The following KIF2B variants were observed in gnomAD, a reference collection of about 807,000 sequenced individuals.
The protein encoded by KIF2B is kinesin family member 2B, also known as kinesin-like protein KIF2B.
A neutral mutation model predicts 6.8 loss-of-function variants in KIF2B; 5 were observed. The observed-to-expected ratio is 0.74, with a 90% confidence interval of 0.39 to 1.55. The LOEUF (loss-of-function observed/expected upper bound fraction) is 1.55, where lower values mean the gene tolerates loss of function less well. KIF2B is among the 40% of genes most tolerant of loss of function. KIF2B has a pLI of 0.03. For missense variants in KIF2B, 908 were observed against 831.3 expected, an observed-to-expected ratio of 1.09 and a Z score of -1.13; for synonymous variants, 370 against 330.7, an observed-to-expected ratio of 1.12 and a Z score of -1.29.
Position 53,823,117 on chromosome 17 carries a change from G to C in KIF2B, c.84G>C (p.Glu28Asp), listed in dbSNP as rs1567759591. ...AGCCACATTTCGGAGACATCCAAGA[G>C]GGCATCTACGTGGCGATCCAGCGCA... is the stretch of plus-strand genomic sequence containing the variant. Reference protein sequence around the residue: ...PLKPHFGDIQEGIYVAIQRSD... With the variant: ...PLKPHFGDIQDGIYVAIQRSD... Residue 28 changes from glutamate (E) to aspartate (D), a missense_variant, in exon 1 of 1, where the codon GAG becomes GAC. By Grantham distance (45) the Glu-to-Asp change is conservative (BLOSUM62 2). Coordinates refer to ENST00000268919, the MANE Select transcript of KIF2B (RefSeq NM_032559.5). 15 of 1,614,074 alleles carry C rather than the reference G, an allele frequency of 9.3e-6. No homozygotes were observed. The highest frequency in any genetic ancestry group is 1.1e-5 in the Non-Finnish European group (13 of 1,180,048).
rs372558151 is a variant in KIF2B at position 53,823,306 on chromosome 17, G to A, written c.273G>A (p.Pro91=). 2.5e-6 allele frequency: 4 copies of A among 1,613,990 alleles called. No individual in the cohort carries two copies. Among genetic ancestry groups the A allele is most frequent in the Non-Finnish European group, 2.5e-6 (3 of 1,180,000 alleles). The change falls in exon 1 of 1, where the codon CCG becomes CCA. Residue 91 remains proline (P), a synonymous_variant. Transcript: ENST00000268919. ...TGGACTCTGCTGAACACCCCATGCC[G>A]CCCCCGCCCTTATCCCCCTTGGCTC... is the stretch of plus-strand genomic sequence containing the variant. ...PALDSAEHPM[P]PPPLSPLALA...
chr17:53,823,626 T>A lies in KIF2B; in HGVS notation c.593T>A (p.Leu198Gln), dbSNP rs199731439. The A allele has an allele frequency of 1.9e-6, 3 of 1,613,472 alleles. No individual in the cohort carries two copies. The highest frequency in any genetic ancestry group is 1.7e-6 in the Non-Finnish European group (2 of 1,180,038). ...MHMIEEYRRH[L>Q]DSSKISVLEP... is the part of the protein sequence containing the mutation. The stretch of plus-strand genomic sequence containing the variant: ...ATGATCGAAGAGTATCGCAGGCACC[T>A]GGACAGCAGCAAGATCTCAGTCCTG... The change falls in exon 1 of 1, where the codon CTG (leucine) becomes CAG (glutamine). Residue 198 changes from leucine to glutamine, a missense_variant. Physicochemically the swap from Leu to Gln is moderately radical, Grantham distance 113. Transcript: ENST00000268919.
chr17:53,825,047 G>A lies in KIF2B; in HGVS notation c.2014G>A (p.Val672Ile), dbSNP rs1213982337. ...LLADLHVKSK[V>I]E ...AGCTGACCTCCACGTGAAGAGCAAG[G>A]TAGAGTGAAGCCAATGGCGAGAGAT... is the stretch of plus-strand genomic sequence containing the variant. The change falls in exon 1 of 1, where the codon GTA becomes ATA. Residue 672 changes from valine to isoleucine, a missense_variant. By Grantham distance (29) the Val-to-Ile change is conservative (BLOSUM62 3). Transcript: ENST00000268919. 1.2e-6 allele frequency: 2 copies of A among 1,604,296 alleles called. No homozygotes were observed. The highest frequency in any genetic ancestry group is 1.7e-6 in the Non-Finnish European group (2 of 1,175,180).
At position 53,823,318 on chromosome 17, in the gene KIF2B, A is replaced by C. The variant is rs2143778829; in HGVS notation, c.285A>C (p.Leu95Phe). The change falls in exon 1 of 1, where the codon TTA becomes TTC. Residue 95 changes from leucine to phenylalanine, a missense_variant. Physicochemically the swap from Leu to Phe is conservative, Grantham distance 22 (BLOSUM62 0). Coordinates refer to ENST00000268919, the MANE Select transcript of KIF2B (RefSeq NM_032559.5). ...AACACCCCATGCCGCCCCCGCCCTT[A>C]TCCCCCTTGGCTCTGGCGCCCTCTT... ...SAEHPMPPPP[L>F]SPLALAPSSA... 3 of 1,614,114 alleles carry C rather than the reference A, an allele frequency of 1.9e-6. No individual in the cohort carries two copies. The highest frequency in any genetic ancestry group is 2.5e-6 in the Non-Finnish European group (3 of 1,180,034).
chr17:53,825,115 T>C lies in KIF2B; in HGVS notation c.*60T>C, dbSNP rs1033136864. The stretch of plus-strand genomic sequence containing the variant: ...ATTGCTGCAGTTTCCACCACTCTTA[T>C]ACAGGAAAACTGTCCAAATTATCTA... On this transcript the variant is annotated 3_prime_UTR_variant, in exon 1 of 1. Transcript: ENST00000268919. The C allele has an allele frequency of 9.0e-6, 11 of 1,222,454 alleles. No individual in the cohort carries two copies. The African/African-American group carries it at 1.8e-4, about 20-fold the overall frequency. 75.7% of individuals were successfully genotyped at this position (1,222,454 alleles called of 1,614,324 possible). A position where few individuals can be genotyped will look rare whatever the true frequency, so the allele number is the denominator to read the frequency against.
chr17:53,823,855 C>T lies in KIF2B; in HGVS notation c.822C>T (p.Ala274=), dbSNP rs1906479294. 1 of 1,614,244 alleles carries T rather than the reference C, an allele frequency of 6.2e-7. No individual in the cohort carries two copies. The highest frequency in any genetic ancestry group is 2.2e-5 in the East Asian group (1 of 44,876). ...TCGACCATGCCTTCGATGACAAAGCCTCCAACGAGTTGGTGTACCAGTTCA... is the reference window on the plus strand; with the variant it reads ...TCGACCATGCCTTCGATGACAAAGCTTCCAACGAGTTGGTGTACCAGTTCA... The part of the protein sequence containing the change: ...FCFDHAFDDK[A]SNELVYQFTA... The change falls in exon 1 of 1, where the codon GCC becomes GCT. Residue 274 remains alanine (A), a synonymous_variant. Transcript: ENST00000268919.
In KIF2B at chr17:53,823,152, G is replaced by A. The variant is rs201736778; in HGVS notation, c.119G>A (p.Arg40Gln). The A allele has an allele frequency of 5.6e-4, 907 of 1,614,150 alleles. 6 individuals are homozygous for A. In the South Asian group the frequency reaches 9.0e-3, roughly 16 times the overall value. ...IYVAIQRSDK[R>Q]IHLAVVTEIN... ...GTGGCGATCCAGCGCAGTGACAAGCGGATCCACCTCGCTGTGGTCACGGAG... is the reference window on the plus strand; with the variant it reads ...GTGGCGATCCAGCGCAGTGACAAGCAGATCCACCTCGCTGTGGTCACGGAG... Residue 40 changes from arginine (R) to glutamine (Q), a missense_variant, in exon 1 of 1, where the codon CGG (arginine) becomes CAG (glutamine). Transcript: ENST00000268919.
In KIF2B at chr17:53,823,307, C is replaced by A. The variant is rs2143778767; in HGVS notation, c.274C>A (p.Pro92Thr). 1 of 1,614,128 alleles carries A rather than the reference C, an allele frequency of 6.2e-7. No individual in the cohort carries two copies. Among genetic ancestry groups the A allele is most frequent in the South Asian group, 1.1e-5 (1 of 91,080 alleles). ...ALDSAEHPMP[P>T]PPLSPLALAP... is the part of the protein sequence containing the mutation. ...GGACTCTGCTGAACACCCCATGCCG[C>A]CCCCGCCCTTATCCCCCTTGGCTCT... is the stretch of plus-strand genomic sequence containing the variant. The change falls in exon 1 of 1, where the codon CCC becomes ACC. Residue 92 changes from proline (P) to threonine (T), a missense_variant. Physicochemically the swap from Pro to Thr is conservative, Grantham distance 38. Transcript: ENST00000268919.
chr17:53,824,385 A>G lies in KIF2B; in HGVS notation c.1352A>G (p.Asn451Ser), dbSNP rs1046213141. 3 of 1,614,142 alleles carry G rather than the reference A, an allele frequency of 1.9e-6. No homozygotes were observed. The highest frequency in any genetic ancestry group is 2.5e-6 in the Non-Finnish European group (3 of 1,180,028). The change falls in exon 1 of 1, where the codon AAT (asparagine) becomes AGT (serine). Residue 451 changes from asparagine to serine, a missense_variant. Asn to Ser is a conservative substitution (Grantham distance 46). Transcript: ENST00000268919. ...GKFSLVDLAG[N>S]ERGADTTKAS... Reference sequence around the variant, plus strand: ...TTTTCCCTCGTTGATTTAGCTGGGAATGAAAGAGGAGCAGATACAACCAAG... The same window carrying G: ...TTTTCCCTCGTTGATTTAGCTGGGAGTGAAAGAGGAGCAGATACAACCAAG...
rs1232342387 is a variant in KIF2B at position 53,824,396 on chromosome 17, G to C, written c.1363G>C (p.Ala455Pro). 1 of 1,614,154 alleles carries C rather than the reference G, an allele frequency of 6.2e-7. No homozygotes were observed. The highest frequency in any genetic ancestry group is 8.5e-7 in the Non-Finnish European group (1 of 1,180,038). ...TGATTTAGCTGGGAATGAAAGAGGA[G>C]CAGATACAACCAAGGCCAGCCGGAA... ...LVDLAGNERG[A>P]DTTKASRKRQ... The change falls in exon 1 of 1, where the codon GCA becomes CCA. Residue 455 changes from alanine (A) to proline (P), a missense_variant. Coordinates refer to ENST00000268919, the MANE Select transcript of KIF2B (RefSeq NM_032559.5).
rs370500459 is a variant in KIF2B at position 53,823,911 on chromosome 17, G to T, written c.878G>T (p.Arg293Leu). 8.7e-6 allele frequency: 14 copies of T among 1,614,082 alleles called. No individual in the cohort carries two copies. In the African/African-American group the frequency reaches 1.3e-4, roughly 15 times the overall value. ...CAGCCACTGGTGGAGTCCATCTTCC[G>T]CAAGGGCATGGCCACCTGCTTTGCC... ...TAQPLVESIF[R>L]KGMATCFAYG... is the part of the protein sequence containing the mutation. Residue 293 changes from arginine (R) to leucine (L), a missense_variant, in exon 1 of 1, where the codon CGC (arginine) becomes CTC (leucine). Arg to Leu is a moderately radical substitution (Grantham distance 102, BLOSUM62 -2). Transcript: ENST00000268919.
At position 53,824,018 on chromosome 17, in the gene KIF2B, T is replaced by C. The variant is rs751159796; in HGVS notation, c.985T>C (p.Tyr329His). The C allele has an allele frequency of 6.1e-5, 99 of 1,614,122 alleles. No homozygotes were observed. Among genetic ancestry groups the C allele is most frequent in the Non-Finnish European group, 8.0e-5 (94 of 1,180,048 alleles). The change falls in exon 1 of 1, where the codon TAT becomes CAT. Residue 329 changes from tyrosine to histidine, a missense_variant. Transcript: ENST00000268919. ...GTAQDCSKGI[Y>H]ALVAQDVFLL... Reference sequence around the variant, plus strand: ...GGCCCAAGATTGTTCTAAGGGCATTTATGCTCTGGTGGCACAGGATGTCTT... The same window carrying C: ...GGCCCAAGATTGTTCTAAGGGCATTCATGCTCTGGTGGCACAGGATGTCTT...
chr17:53,824,604 T>C lies in KIF2B; in HGVS notation c.1571T>C (p.Met524Thr), dbSNP rs768094492. ...TCMIATISPG[M>T]TSCENTLNTL... ...ATGATTGCTACCATCTCTCCGGGGA[T>C]GACCTCTTGTGAAAACACTCTCAAC... is the stretch of plus-strand genomic sequence containing the variant. The change falls in exon 1 of 1, where the codon ATG becomes ACG. Residue 524 changes from methionine (M) to threonine (T), a missense_variant. Met to Thr is a moderately conservative substitution (Grantham distance 81). Coordinates refer to ENST00000268919, the MANE Select transcript of KIF2B (RefSeq NM_032559.5). 5.0e-6 allele frequency: 8 copies of C among 1,614,022 alleles called. No homozygotes were observed. The highest frequency in any genetic ancestry group is 2.2e-5 in the South Asian group (2 of 91,074).
At position 53,824,131 on chromosome 17, in the gene KIF2B, T is replaced by G. The variant is rs150516037; in HGVS notation, c.1098T>G (p.Asp366Glu). The G allele has an allele frequency of 6.2e-7, 1 of 1,614,218 alleles. No homozygotes were observed. Among genetic ancestry groups the G allele is most frequent in the Non-Finnish European group, 8.5e-7 (1 of 1,180,040 alleles). The change falls in exon 1 of 1, where the codon GAT becomes GAG. Residue 366 changes from aspartate to glutamate, a missense_variant. Physicochemically the swap from Asp to Glu is conservative, Grantham distance 45 (BLOSUM62 2). Transcript: ENST00000268919. ...AGATTTATGGGGGCAAGGTGTATGATTTGTTGAACTGGAAGAAGAAGCTGC... is the reference window on the plus strand; with the variant it reads ...AGATTTATGGGGGCAAGGTGTATGAGTTGTTGAACTGGAAGAAGAAGCTGC... Reference protein sequence around the residue: ...FFEIYGGKVYDLLNWKKKLQV... With the variant: ...FFEIYGGKVYELLNWKKKLQV...
chr17:53,823,950 G>C lies in KIF2B; in HGVS notation c.917G>C (p.Gly306Ala), dbSNP rs2143782727. 1 of 1,614,276 alleles carries C rather than the reference G, an allele frequency of 6.2e-7. No individual in the cohort carries two copies. The highest frequency in any genetic ancestry group is 8.5e-7 in the Non-Finnish European group (1 of 1,180,060). Reference sequence around the variant, plus strand: ...ACCTGCTTTGCCTATGGGCAGACGGGAAGTGGGAAGACGTACACCATGGGT... The same window carrying C: ...ACCTGCTTTGCCTATGGGCAGACGGCAAGTGGGAAGACGTACACCATGGGT... ...MATCFAYGQT[G>A]SGKTYTMGGD... Residue 306 changes from glycine to alanine, a missense_variant, in exon 1 of 1, where the codon GGA becomes GCA. Transcript: ENST00000268919.
rs761492686 is a variant in KIF2B, at chr17:53,824,052, T to C, written c.1019T>C (p.Leu340Pro). 1.2e-6 allele frequency: 2 copies of C among 1,614,212 alleles called. No homozygotes were observed. The highest frequency in any genetic ancestry group is 2.2e-5 in the South Asian group (2 of 91,090). The change falls in exon 1 of 1, where the codon CTC becomes CCC. Residue 340 changes from leucine to proline, a missense_variant. Transcript: ENST00000268919. ...ALVAQDVFLL[L>P]RNSTYEKLDL... ...GTGGCACAGGATGTCTTTCTCCTGC[T>C]CAGAAACTCCACATATGAGAAGCTG...
rs1348785109 is a variant in KIF2B, at chr17:53,823,351, C to T, written c.318C>T (p.Ile106=). Residue 106 remains isoleucine, a synonymous_variant, in exon 1 of 1, where the codon ATC becomes ATT. Coordinates refer to ENST00000268919, the MANE Select transcript of KIF2B (RefSeq NM_032559.5). ...TGGCTCTGGCGCCCTCTTCGGCCAT[C>T]AGGGACCAGCGTACCGCCACGAAAT... is the stretch of plus-strand genomic sequence containing the variant. ...SPLALAPSSA[I]RDQRTATKWV... is the part of the protein sequence containing the mutation. 1 of 1,614,110 alleles carries T rather than the reference C, an allele frequency of 6.2e-7. No homozygotes were observed. Among genetic ancestry groups the T allele is most frequent in the African/African-American group, 1.3e-5 (1 of 75,038 alleles).
rs1331562345 is a variant in KIF2B, at chr17:53,824,467, C to A, written c.1434C>A (p.Leu478=). The A allele has an allele frequency of 4.3e-6, 7 of 1,613,972 alleles. No individual in the cohort carries two copies. In the African/African-American group the frequency reaches 6.7e-5, roughly 15 times the overall value. The change falls in exon 1 of 1, where the codon CTC becomes CTA. Residue 478 remains leucine, a synonymous_variant. Transcript: ENST00000268919. Reference sequence around the variant, plus strand: ...AGATTAACAAGAGTCTTCTAGCCCTCAAAGAATGTATTCTGGCTTTGGGTC... The same window carrying A: ...AGATTAACAAGAGTCTTCTAGCCCTAAAAGAATGTATTCTGGCTTTGGGTC... The part of the protein sequence containing the change: ...GAEINKSLLA[L]KECILALGQN...
Position 53,824,689 on chromosome 17 carries a change from T to C in KIF2B, c.1656T>C (p.Arg552=). ...ATGTAGATGTAAGGCCCTACCATCGTGGCCACTATCCGATTGGACATGAGG... is the reference window on the plus strand; with the variant it reads ...ATGTAGATGTAAGGCCCTACCATCGCGGCCACTATCCGATTGGACATGAGG... The part of the protein sequence containing the change: ...KLNVDVRPYH[R]GHYPIGHEAP... The change falls in exon 1 of 1, where the codon CGT becomes CGC. Residue 552 remains arginine (R), a synonymous_variant. Transcript: ENST00000268919. 1.2e-6 allele frequency: 2 copies of C among 1,614,140 alleles called. No individual in the cohort carries two copies. Among genetic ancestry groups the C allele is most frequent in the South Asian group, 1.1e-5 (1 of 91,084 alleles).
Sources: allele counts gnomAD v4.1 joint callset, GRCh38; gene constraint gnomAD v4.1.1; transcripts MANE v1.5; gene names NCBI Gene and HGNC (gene_info 2026-07-23, HGNC 2026-07-21).